Variants in SYNE2 observed in about 807,000 individuals in gnomAD.
SYNE2 encodes nesprin-2.
In SYNE2, 431 loss-of-function variants were observed where a neutral mutation model predicts 856.3. That is an observed-to-expected ratio of 0.50 (90% CI 0.47 to 0.55). The LOEUF is 0.55. Ranked by LOEUF, SYNE2 falls within the 20% of genes least tolerant of loss-of-function variation. The probability of loss-of-function intolerance (pLI) is 0.00; values close to 1 mark genes in which losing one functional copy is unlikely to be tolerated. For missense variants in SYNE2, 8,129 were observed against 8,023.2 expected, an observed-to-expected ratio of 1.01 and a Z score of -0.50; for synonymous variants, 2,923 against 2,872.3, an observed-to-expected ratio of 1.02 and a Z score of -0.56.
intron 51 of SYNE2, among the ~76,000 whole-genome samples, chr14:64,069,351 A>T (rs1308891678): frequency 1.3e-5 from 2 of 152,146 alleles, no homozygotes; most frequent in African/African-American, 4.8e-5. Flanking sequence ...AAGAACTAGG[A>T]CTTCTAATTC....
chr14:64,100,666 CA>C (rs1281988470), intron 63 of SYNE2, among the ~76,000 whole-genome samples: 3 of 146,466 alleles, frequency 2.0e-5, no homozygotes, highest in Non-Finnish European at 4.5e-5. Context: ...CCTCACATAC[CA>C]TTTTTTTTTG....
At chr14:64,163,604 AG>A in intron 89 of SYNE2, 23 bp downstream of exon 89, 1 of 1,613,476 alleles carries the variant, frequency 6.2e-7, no homozygotes, top group Non-Finnish European at 8.5e-7. Flanking sequence ...TTTCCATTCA[AG>A]TTTTAGTCTT....
At chr14:63,994,666 A>G (rs1477905694) in intron 22 of SYNE2, among the ~76,000 whole-genome samples, 1 of 152,124 alleles carries the variant, frequency 6.6e-6, no homozygotes, top group Admixed American at 6.5e-5. Context: ...CACTTTATTT[A>G]CCTTTTCACA....
At chr14:63,806,491 T>C (rs534054503) in intron 1 of SYNE2, among the ~76,000 whole-genome samples, 1 of 152,294 alleles carries the variant, frequency 6.6e-6, no homozygotes, top group African/African-American at 2.4e-5. Context: ...TCTCAAAGAA[T>C]GAGTTAGAGA....
intron 1 of SYNE2, among the ~76,000 whole-genome samples, chr14:63,785,186 C>T (rs1887470946): frequency 6.6e-6 from 1 of 151,998 alleles, no homozygotes; most frequent in Admixed American, 6.6e-5. Flanking sequence ...TCAGGCCAGG[C>T]ACGGTGGCTC....
intron 98 of SYNE2, 40 bp downstream of exon 98, chr14:64,188,748 A>T (rs2098503652): frequency 6.2e-7 from 1 of 1,610,138 alleles, no homozygotes; most frequent in African/African-American, 1.3e-5. Context: ...TATGACTACC[A>T]TGGAATTGTC....
intron 95 of SYNE2, 78 bp downstream of exon 95, chr14:64,175,216 A>T (rs117497645): frequency 1.5e-5 from 23 of 1,548,890 alleles, no homozygotes; most frequent in Non-Finnish European, 4.4e-6. Flanking sequence ...TGAAAATGGA[A>T]ATGGTTTTAG....
chr14:63,807,865 A>ATAGAT (rs1267385896), intron 1 of SYNE2, among the ~76,000 whole-genome samples: 1 of 97,404 alleles, frequency 1.0e-5, no homozygotes, highest in African/African-American at 3.7e-5. Context: ...ATATATATAT[A>ATAGAT]ATTTCAATAG....
At chr14:63,776,893 G>T (rs927633348) in intron 1 of SYNE2, among the ~76,000 whole-genome samples, 17 of 152,136 alleles carry the variant, frequency 1.1e-4, no homozygotes, top group Admixed American at 9.8e-4. Context: ...GAATCACCAT[G>T]CCCAGCCAAA....
intron 90 of SYNE2, 90 bp downstream of exon 90, chr14:64,165,500 G>A (rs533231948): frequency 1.4e-6 from 2 of 1,386,164 alleles, no homozygotes; most frequent in East Asian, 4.6e-5. Flanking sequence ...TGGAATGCTT[G>A]CATCCTAACT....
intron 47 of SYNE2, among the ~76,000 whole-genome samples, chr14:64,050,905 T>C (rs1237331576): frequency 6.6e-6 from 1 of 151,386 alleles, no homozygotes; most frequent in Non-Finnish European, 1.5e-5. Context: ...TCTGTTATTC[T>C]AGCTACTTGG....
intron 99 of SYNE2, among the ~76,000 whole-genome samples, chr14:64,197,353 C>T (rs1208729557): frequency 6.6e-6 from 1 of 152,126 alleles, no homozygotes; most frequent in African/African-American, 2.4e-5. Context: ...AATGGAAGTC[C>T]TCTGGTGACA....
At chr14:63,806,852 T>C (rs930461596) in intron 1 of SYNE2, among the ~76,000 whole-genome samples, 1 of 151,916 alleles carries the variant, frequency 6.6e-6, no homozygotes, top group Admixed American at 6.6e-5. Context: ...CTATCAATCC[T>C]ATTTTTCCTT....
chr14:64,225,788 T>C lies in SYNE2; in HGVS notation c.*262T>C. 1 of 595,152 alleles carries C rather than the reference T, an allele frequency of 1.7e-6. No individual in the cohort carries two copies. The highest frequency in any genetic ancestry group is 3.0e-6 in the Non-Finnish European group (1 of 333,490). The allele number at this position is 595,152 out of a possible 1,614,324, so 36.9% of individuals were successfully genotyped here. A position where few individuals can be genotyped will look rare whatever the true frequency, so the allele number is the denominator to read the frequency against. Reference sequence around the variant, plus strand: ...TGATTAGTTTAGGGATCTCTGGAAATGTCAGTTTCCTGAAGAGCCAAGCAC... The same window carrying C: ...TGATTAGTTTAGGGATCTCTGGAAACGTCAGTTTCCTGAAGAGCCAAGCAC... On this transcript the variant is annotated 3_prime_UTR_variant, in exon 116 of 116. Coordinates refer to ENST00000555002, the MANE Select transcript of SYNE2 (RefSeq NM_182914.3).
Position 64,113,139 on chromosome 14 carries a change from G to A in SYNE2, c.12610-202G>A, listed in dbSNP as rs138588419. 1,535 of 985,334 alleles carry A rather than the reference G, an allele frequency of 1.6e-3. 14 individuals carry two copies. In the African/African-American group the frequency reaches 0.018, roughly 11 times the overall value. 61.0% of individuals were successfully genotyped at this position (985,334 alleles called of 1,614,324 possible). ...CCGGGAATACTGTACCTGCTTACTC[G>A]CAGATCGGCTGCTTGGAAACCTGTG... On this transcript the variant is annotated intron_variant, in intron 65 of 115. Coordinates refer to ENST00000555002, the MANE Select transcript of SYNE2 (RefSeq NM_182914.3).
At chr14:64,125,556 G>A (rs1291180310) in intron 71 of SYNE2, among the ~76,000 whole-genome samples, 1 of 152,118 alleles carries the variant, frequency 6.6e-6, no homozygotes, top group East Asian at 1.9e-4. Context: ...TTAATACTGA[G>A]GTAATTAATG....
intron 115 of SYNE2, 79 bp from the exon 116 acceptor site, chr14:64,225,240 C>G (rs1327555521): frequency 2.5e-6 from 4 of 1,608,828 alleles, no homozygotes; most frequent in Non-Finnish European, 3.4e-6. Context: ...TTCTTACTTA[C>G]ATAAGCAGGG....
At chr14:64,066,886 A>G (rs1175450823) in intron 51 of SYNE2, among the ~76,000 whole-genome samples, 1 of 152,196 alleles carries the variant, frequency 6.6e-6, no homozygotes, top group East Asian at 1.9e-4. Flanking sequence ...CCAGGTAGAG[A>G]TTGATTAAGC....
At chr14:63,998,382 C>T (rs912938303) in intron 26 of SYNE2, 54 bp downstream of exon 26, 2 of 1,201,108 alleles carry the variant, frequency 1.7e-6, no homozygotes, top group African/African-American at 3.0e-5. Flanking sequence ...TTCATCGATG[C>T]AAACATGTTA....
Sources: allele counts gnomAD v4.1 joint callset (sites outside exome capture counted in the v4.1 genomes callset), GRCh38; gene constraint gnomAD v4.1.1; transcripts MANE v1.5; gene names NCBI Gene and HGNC (gene_info 2026-07-23, HGNC 2026-07-21).